Variants in SNX29 observed in about 807,000 individuals in gnomAD.
SNX29 encodes sorting nexin-29.
A neutral mutation model predicts 102.1 loss-of-function variants in SNX29; 78 were observed. That is an observed-to-expected ratio of 0.76 (90% CI 0.64 to 0.92). The LOEUF (loss-of-function observed/expected upper bound fraction) is 0.92. Ranked by LOEUF, SNX29 falls within the 40% of genes least tolerant of loss-of-function variation. The pLI, the probability that SNX29 is intolerant of heterozygous loss-of-function variation, is 0.00. For missense variants in SNX29, 1,280 were observed against 1,061.7 expected (o/e 1.21, Z -2.86); for synonymous variants, 580 against 414.5 (o/e 1.40, Z -4.85).
intron 14 of SNX29, among the ~76,000 whole-genome samples, chr16:12,254,473 C>T (rs950824661): frequency 6.6e-6 from 1 of 152,068 alleles, no homozygotes; most frequent in South Asian, 2.1e-4. Context: ...ATCCCCGTCT[C>T]TACTGAAAAT....
chr16:12,337,149 A>T (rs1196420824), intron 15 of SNX29, among the ~76,000 whole-genome samples: 1 of 152,136 alleles, frequency 6.6e-6, no homozygotes, highest in South Asian at 2.1e-4. Context: ...TCTGAAGGCC[A>T]CCCAGCTGGC....
At chr16:12,120,322 G>A (rs994544848) in intron 11 of SNX29, among the ~76,000 whole-genome samples, 1 of 152,204 alleles carries the variant, frequency 6.6e-6, no homozygotes, top group Non-Finnish European at 1.5e-5. Context: ...CCGCAGGGGA[G>A]TGTTTGTAAA....
rs920823907 is a variant in SNX29 at position 12,565,876 on chromosome 16, C to T, written c.2319-2630C>T. Among the ~76,000 whole-genome samples the T allele has an allele frequency of 4.6e-5, 7 of 152,240 alleles. No individual in the cohort carries two copies. The South Asian group carries it at 1.2e-3, about 27-fold the overall frequency. ...GAAGCCCTCTGTGCCCTGCTCAGAA[C>T]AACCTGAGTTCCCTCTCATTGGGGC... is the stretch of plus-strand genomic sequence containing the variant. On this transcript the variant is annotated intron_variant, in intron 20 of 20. Transcript: ENST00000566228.
At chr16:12,354,676 C>G (rs1401111893) in intron 15 of SNX29, among the ~76,000 whole-genome samples, 1 of 152,142 alleles carries the variant, frequency 6.6e-6, no homozygotes, top group Non-Finnish European at 1.5e-5. Context: ...ATTCACAGCC[C>G]AGAGGAAGCT....
rs557016664 is a variant in SNX29, at chr16:12,098,644, C to T, written c.1402+19729C>T. ...CCCTCTCCTCCTCTTTTGCCTGGGT[C>T]GTGCTTATTCATCCTGTAAGACACA... On this transcript the variant is annotated intron_variant, in intron 11 of 20. Coordinates refer to ENST00000566228, the MANE Select transcript of SNX29 (RefSeq NM_032167.5). The surrounding 1 kb of genome is among the most constrained non-coding windows in gnomAD (Gnocchi z 6.0). Among the ~76,000 whole-genome samples the T allele has an allele frequency of 9.9e-5, 15 of 152,224 alleles. No homozygotes were observed. Among genetic ancestry groups the T allele is most frequent in the Non-Finnish European group, 1.6e-4 (11 of 68,046 alleles).
chr16:12,134,253 T>C (rs1567237174), intron 13 of SNX29, among the ~76,000 whole-genome samples: 1 of 152,254 alleles, frequency 6.6e-6, no homozygotes, highest in African/African-American at 2.4e-5. Flanking sequence ...CATCGTATTA[T>C]GGCAGTGTTA....
At chr16:12,161,834 C>G (rs1024745623) in intron 13 of SNX29, among the ~76,000 whole-genome samples, 2 of 150,980 alleles carry the variant, frequency 1.3e-5, no homozygotes, top group African/African-American at 2.4e-5. Flanking sequence ...TGAAAGCTTT[C>G]TGAGGCTTCA....
chr16:12,517,360 A>G (rs1247057644), intron 19 of SNX29, among the ~76,000 whole-genome samples: 1 of 152,108 alleles, frequency 6.6e-6, no homozygotes, highest in Non-Finnish European at 1.5e-5. Context: ...TCCTCCTGGG[A>G]GCCCCATGTG....
intron 20 of SNX29, among the ~76,000 whole-genome samples, chr16:12,558,884 T>C (rs1022270087): frequency 2.0e-5 from 3 of 152,338 alleles, no homozygotes; most frequent in South Asian, 2.1e-4. Flanking sequence ...AAAATGTGCC[T>C]GAGTTTGCTT....
At chr16:12,136,367 G>A (rs1189303424) in intron 13 of SNX29, among the ~76,000 whole-genome samples, 1 of 152,238 alleles carries the variant, frequency 6.6e-6, no homozygotes, top group East Asian at 1.9e-4. Flanking sequence ...ACAGCACAGT[G>A]ATTCTGGTCT....
chr16:12,238,285 C>T (rs2077997424), intron 14 of SNX29, among the ~76,000 whole-genome samples: 1 of 148,272 alleles, frequency 6.7e-6, no homozygotes. Context: ...CATTCCATGG[C>T]AGCCTTTTGG....
intron 13 of SNX29, chr16:12,135,713 C>A: frequency 1.1e-6 from 1 of 888,410 alleles, no homozygotes; most frequent in Non-Finnish European, 1.6e-6. Context: ...TGTATGTGAG[C>A]CAATAAATTG....
At chr16:12,541,715 C>T (rs140421220) in intron 20 of SNX29, among the ~76,000 whole-genome samples, 8 of 152,118 alleles carry the variant, frequency 5.3e-5, no homozygotes, top group Non-Finnish European at 8.8e-5. Context: ...GTTCCTGATT[C>T]CTGTCACCTC....
intron 20 of SNX29, among the ~76,000 whole-genome samples, chr16:12,536,344 C>T (rs544693131): frequency 6.6e-5 from 10 of 151,968 alleles, no homozygotes; most frequent in South Asian, 2.1e-4. Context: ...GGAAACAAGC[C>T]GTACTGTCAG....
intron 14 of SNX29, among the ~76,000 whole-genome samples, chr16:12,238,783 C>G (rs1036802498): frequency 5.9e-5 from 9 of 152,184 alleles, no homozygotes; most frequent in African/African-American, 1.9e-4. Context: ...CGTATCTTTC[C>G]TAGAAGGTCA....
chr16:12,080,480 C>T (rs936738586), intron 11 of SNX29, among the ~76,000 whole-genome samples: 2 of 152,272 alleles, frequency 1.3e-5, no homozygotes, highest in South Asian at 2.1e-4. Flanking sequence ...TGCTTTTCAC[C>T]TGTCAATCTT....
intron 18 of SNX29, among the ~76,000 whole-genome samples, chr16:12,452,598 T>G (rs2086355543): frequency 6.8e-6 from 1 of 147,646 alleles, no homozygotes; most frequent in African/African-American, 2.5e-5. Flanking sequence ...GAGCTGAGTC[T>G]GGAAGTTGCT....
chr16:12,052,380 C>G (rs2050345099), intron 8 of SNX29, 158 bp downstream of exon 8: 1 of 715,154 alleles, frequency 1.4e-6, no homozygotes, highest in Admixed American at 2.9e-5. Context: ...CCACACCCAG[C>G]TAATTTTTGT....
chr16:12,536,130 G>T (rs77960052), intron 20 of SNX29, among the ~76,000 whole-genome samples: 1 of 152,132 alleles, frequency 6.6e-6, no homozygotes, highest in African/African-American at 2.4e-5. Context: ...CCCAGCTTTG[G>T]TGCTGGCACT....
Sources: gnomAD v4.1 joint callset for allele counts (sites outside exome capture counted in the v4.1 genomes callset) on GRCh38, gnomAD v4.1.1 for gene constraint, Gnocchi (gnomAD v3.1) non-coding constraint, MANE v1.5 for transcripts, NCBI Gene and HGNC (gene_info 2026-07-23, HGNC 2026-07-21) for gene names.